Variants in WDR7 observed in about 807,000 individuals in gnomAD.
WDR7 encodes WD repeat-containing protein 7.
In WDR7, 46 loss-of-function variants were observed where a neutral mutation model predicts 169.4. The observed-to-expected ratio is 0.27, with a 90% CI of 0.21 to 0.35. The LOEUF is 0.35. Among genes scored for constraint, WDR7 ranks in the 10% least tolerant of loss-of-function variants. The probability of loss-of-function intolerance (pLI) is 1.00; values close to 1 mark genes in which losing one functional copy is unlikely to be tolerated. For missense variants in WDR7, 1,534 were observed against 1,859.3 expected, an observed-to-expected ratio of 0.83 and a Z score of 3.22; for synonymous variants, 612 against 666.8, an observed-to-expected ratio of 0.92 and a Z score of 1.27.
intron 14 of WDR7, 125 bp from the exon 15 acceptor site, chr18:56,756,458 A>G (rs1386657265): frequency 2.4e-6 from 2 of 840,978 alleles, no homozygotes; most frequent in Non-Finnish European, 3.5e-6. Context: ...ACTTTTCATG[A>G]TATAGGTTCC....
chr18:56,875,079 A>G (rs1357756661), intron 20 of WDR7, among the ~76,000 whole-genome samples: 2 of 152,192 alleles, frequency 1.3e-5, no homozygotes, highest in Non-Finnish European at 2.9e-5. Flanking sequence ...AGCACAGCTA[A>G]ACAATGGAAT....
chr18:56,814,984 C>A (rs1035758936), intron 19 of WDR7, among the ~76,000 whole-genome samples: 8 of 152,026 alleles, frequency 5.3e-5, no homozygotes, highest in African/African-American at 4.8e-5. Flanking sequence ...CTGGTAGGTC[C>A]ATTTCTGGAT....
chr18:56,725,729 T>C (rs375139585), intron 13 of WDR7, among the ~76,000 whole-genome samples: 5,628 of 152,110 alleles, frequency 0.037, 300 homozygotes, highest in African/African-American at 0.12. Flanking sequence ...AGTCCTTGCC[T>C]ATGCCTATGT....
Position 56,696,466 on chromosome 18 carries a change from A to C in WDR7, c.1578+4A>C. On this transcript the variant is annotated splice_donor_region_variant and intron_variant, in intron 12 of 27. Transcript: ENST00000254442. Reference sequence around the variant, plus strand: ...AGTTCCACCTGAAAACTGTAGTGTAAGTTGATTTATATAAAAGATTATTTC... The same window carrying C: ...AGTTCCACCTGAAAACTGTAGTGTACGTTGATTTATATAAAAGATTATTTC... 6.2e-7 allele frequency: 1 copy of C among 1,604,550 alleles called. No individual in the cohort carries two copies. The highest frequency in any genetic ancestry group is 8.5e-7 in the Non-Finnish European group (1 of 1,174,956).
chr18:56,683,340 C>T (rs555271183), intron 5 of WDR7, among the ~76,000 whole-genome samples: 1 of 152,160 alleles, frequency 6.6e-6, no homozygotes, highest in Non-Finnish European at 1.5e-5. Flanking sequence ...ATATTATTAT[C>T]TTTTCTTCAT....
intron 26 of WDR7, among the ~76,000 whole-genome samples, chr18:56,998,009 C>T (rs2047922848): frequency 6.6e-6 from 1 of 152,124 alleles, no homozygotes; most frequent in Non-Finnish European, 1.5e-5. Context: ...AGCGGAGAAG[C>T]CACACTTCTT....
At chr18:56,934,969 G>T (rs1271913559) in intron 22 of WDR7, among the ~76,000 whole-genome samples, 2 of 152,132 alleles carry the variant, frequency 1.3e-5, no homozygotes, top group East Asian at 3.8e-4. Context: ...ACTGTTCCCA[G>T]TGGATTATAT....
At chr18:56,956,926 A>T (rs539074171) in intron 25 of WDR7, among the ~76,000 whole-genome samples, 4 of 152,328 alleles carry the variant, frequency 2.6e-5, no homozygotes, top group Admixed American at 6.5e-5. Flanking sequence ...AAAAGTATGA[A>T]GTTTGGTAAT....
At chr18:56,848,874 C>T (rs1479538764) in intron 20 of WDR7, among the ~76,000 whole-genome samples, 1 of 152,184 alleles carries the variant, frequency 6.6e-6, no homozygotes, top group Non-Finnish European at 1.5e-5. Context: ...GCTTGCAATA[C>T]TGTGAGCCTA....
chr18:56,864,287 C>A (rs752760429), intron 20 of WDR7, among the ~76,000 whole-genome samples: 10 of 151,364 alleles, frequency 6.6e-5, no homozygotes, highest in Non-Finnish European at 1.5e-4. Context: ...GGGAAAATAT[C>A]AAATATCATC....
At chr18:56,850,104 T>A (rs1335617726) in intron 20 of WDR7, among the ~76,000 whole-genome samples, 1 of 152,220 alleles carries the variant, frequency 6.6e-6, no homozygotes, top group African/African-American at 2.4e-5. Context: ...CAAGGCTGGC[T>A]GATGATTGAG....
chr18:56,949,128 G>GTCTCTCTCTCTC (rs10537966), intron 25 of WDR7, among the ~76,000 whole-genome samples: 4 of 143,440 alleles, frequency 2.8e-5, no homozygotes, highest in Non-Finnish European at 6.0e-5. Flanking sequence ...GTTTTCTAAA[G>GTCTCTCTCTCTC]TCTCTCTCTC....
intron 21 of WDR7, among the ~76,000 whole-genome samples, chr18:56,915,503 A>G (rs1030769827): frequency 3.9e-5 from 6 of 152,232 alleles, no homozygotes; most frequent in African/African-American, 1.4e-4. Flanking sequence ...TTTTTAAAAT[A>G]TGACCTTTTT....
chr18:56,997,532 TG>T (rs2145876186), intron 26 of WDR7, among the ~76,000 whole-genome samples: 1 of 152,350 alleles, frequency 6.6e-6, no homozygotes, highest in Admixed American at 6.5e-5. Flanking sequence ...TATCTCTATT[TG>T]GACCAATAAC....
chr18:56,676,548 T>C (rs1043479137), intron 2 of WDR7, among the ~76,000 whole-genome samples: 13 of 152,242 alleles, frequency 8.5e-5, no homozygotes, highest in Non-Finnish European at 1.3e-4. Context: ...GTATCCATTG[T>C]ATGTTTTTTG....
intron 13 of WDR7, among the ~76,000 whole-genome samples, chr18:56,724,221 T>C (rs915938316): frequency 6.7e-6 from 1 of 148,516 alleles, no homozygotes; most frequent in African/African-American, 2.5e-5. Flanking sequence ...TTTTTTTTTT[T>C]TTTTTTTGAG....
chr18:56,910,471 G>A (rs923632025), intron 21 of WDR7, among the ~76,000 whole-genome samples: 2 of 152,062 alleles, frequency 1.3e-5, no homozygotes, highest in East Asian at 1.9e-4. Context: ...GAGAATGAAA[G>A]TTTTAGTCAT....
chr18:56,669,982 T>TA (rs1465898581), intron 1 of WDR7, among the ~76,000 whole-genome samples: 1 of 152,186 alleles, frequency 6.6e-6, no homozygotes, highest in Non-Finnish European at 1.5e-5. Context: ...TTTTTCCCCT[T>TA]AAAAAACTTC....
intron 20 of WDR7, among the ~76,000 whole-genome samples, chr18:56,872,147 G>A (rs1167152817): frequency 1.3e-5 from 2 of 152,008 alleles, no homozygotes; most frequent in East Asian, 3.8e-4. Flanking sequence ...ACCGCCTTTA[G>A]CCTTAATTCA....
Sources: gnomAD v4.1 joint callset for allele counts (sites outside exome capture counted in the v4.1 genomes callset) on GRCh38, gnomAD v4.1.1 for gene constraint, MANE v1.5 for transcripts, NCBI Gene and HGNC (gene_info 2026-07-23, HGNC 2026-07-21) for gene names.